The following NGLY1 variants were observed in gnomAD, a reference collection of about 807,000 sequenced individuals.
The protein encoded by NGLY1 is peptide-N(4)-(N-acetyl-beta-glucosaminyl)asparagine amidase.
NGLY1 carries 68 observed loss-of-function variants against 84.6 expected under a neutral mutation model. That is an observed-to-expected ratio of 0.80 (90% CI 0.66 to 0.98). The LOEUF (loss-of-function observed/expected upper bound fraction) is 0.98. Among genes scored for constraint, NGLY1 ranks in the 50% least tolerant of loss-of-function variants. The probability of loss-of-function intolerance (pLI) is 0.00; values close to 1 mark genes in which losing one functional copy is unlikely to be tolerated. For synonymous variants in NGLY1, 280 were observed against 275.2 expected (o/e 1.02, Z -0.17); for missense variants, 779 against 770.2 (o/e 1.01, Z -0.14).
upstream of NGLY1, among the ~76,000 whole-genome samples, chr3:25,784,470 G>T (rs1708559906): frequency 6.6e-6 from 1 of 152,174 alleles, no homozygotes; most frequent in South Asian, 2.1e-4. Context: ...CCTCTTAGAA[G>T]ATGCATCCCT....
intron 4 of NGLY1, among the ~76,000 whole-genome samples, chr3:25,744,890 G>A (rs116372831): frequency 1.0e-3 from 156 of 152,258 alleles, no homozygotes; most frequent in African/African-American, 3.2e-3. Context: ...CATCCGAGCC[G>A]AAAAGACAGA....
chr3:25,739,784 T>A lies in NGLY1; in HGVS notation c.674A>T (p.Asp225Val). The part of the protein sequence containing the change: ...RKLDKGINIS[D>V]EDFLLLELLH... ...AAGCTCCAGCAAAAGAAAATCCTCA[T>A]CACTTATATTGATACCTGAGAAATT... is the stretch of plus-strand genomic sequence containing the variant. The change falls in exon 5 of 12, where the codon GAT (aspartate) becomes GTT (valine). Residue 225 changes from aspartate to valine, a missense_variant. By Grantham distance (152) the Asp-to-Val change is radical. Transcript: ENST00000280700. The A allele has an allele frequency of 6.2e-7, 1 of 1,613,614 alleles. No individual in the cohort carries two copies. The highest frequency in any genetic ancestry group is 1.1e-5 in the South Asian group (1 of 91,068).
At chr3:25,732,282 A>C in intron 9 of NGLY1, 37 bp downstream of exon 9, 1 of 1,600,174 alleles carries the variant, frequency 6.2e-7, no homozygotes, top group Non-Finnish European at 8.5e-7. Flanking sequence ...TGAAGCAGGA[A>C]AGTAAAAGGA....
At chr3:25,779,292 T>C (rs1164464773) in intron 1 of NGLY1, among the ~76,000 whole-genome samples, 1 of 152,182 alleles carries the variant, frequency 6.6e-6, no homozygotes, top group Non-Finnish European at 1.5e-5. Flanking sequence ...CATAAATTTC[T>C]TTTACCATAA....
rs778126026 is a variant in NGLY1, at chr3:25,764,066, C to G, written c.492G>C (p.Thr164=). The G allele has an allele frequency of 6.8e-6, 11 of 1,613,746 alleles. No homozygotes were observed. The highest frequency in any genetic ancestry group is 1.3e-5 in the African/African-American group (1 of 74,906). Residue 164 remains threonine, a splice_region_variant and synonymous_variant, in exon 3 of 12, where the codon ACG becomes ACC. Coordinates refer to ENST00000280700, the MANE Select transcript of NGLY1 (RefSeq NM_018297.4). The part of the protein sequence containing the change: ...GQSSDPPSAS[T]VAADSAILEV... ...AAAGAAGGTTTAATTCTAACATTAC[C>G]GTTGAAGCAGATGGTGGATCTGATG...
At chr3:25,738,756 T>C (rs1321656903) in intron 5 of NGLY1, among the ~76,000 whole-genome samples, 2 of 151,720 alleles carry the variant, frequency 1.3e-5, no homozygotes, top group Non-Finnish European at 2.9e-5. Context: ...AGCCTCCCCA[T>C]ATAGAGAAGA....
In NGLY1 at chr3:25,739,578, T is replaced by C. The variant is rs1706019869; in HGVS notation, c.880A>G (p.Arg294Gly). The change falls in exon 5 of 12, where the codon AGA becomes GGA. Residue 294 changes from arginine to glycine, a missense_variant and splice_region_variant. Transcript: ENST00000280700. ...DACQFSNRFPRYNNPEKLLET... is the reference protein window; with the variant it reads ...DACQFSNRFPGYNNPEKLLET... ...GATTTTACCATCCAGGGCACCCACC[T>C]TGGGAATCGATTGCTGAACTGGCAG... 6.2e-7 allele frequency: 1 copy of C among 1,613,948 alleles called. No individual in the cohort carries two copies. The highest frequency in any genetic ancestry group is 1.1e-5 in the South Asian group (1 of 91,070).
intron 3 of NGLY1, among the ~76,000 whole-genome samples, chr3:25,753,877 TAAC>T (rs927130620): frequency 6.6e-6 from 1 of 152,152 alleles, no homozygotes; most frequent in African/African-American, 2.4e-5. Flanking sequence ...GACAGGTCGA[TAAC>T]AACAACAAAA....
At chr3:25,751,880 G>A (rs1302517791) in intron 3 of NGLY1, among the ~76,000 whole-genome samples, 2 of 152,180 alleles carry the variant, frequency 1.3e-5, no homozygotes, top group African/African-American at 4.8e-5. Context: ...CAACAAAGAG[G>A]TCTGCCTCTG....
intron 4 of NGLY1, among the ~76,000 whole-genome samples, chr3:25,746,566 A>C (rs1706445467): frequency 6.6e-6 from 1 of 152,238 alleles, no homozygotes; most frequent in Admixed American, 6.5e-5. Flanking sequence ...TTTTTATGGG[A>C]AATGGACTTT....
intron 8 of NGLY1, among the ~76,000 whole-genome samples, chr3:25,733,549 T>C (rs995646318): frequency 2.0e-5 from 3 of 151,278 alleles, no homozygotes; most frequent in African/African-American, 7.3e-5. Flanking sequence ...TATGAGTCTG[T>C]GTCATATCCA....
At position 25,751,212 on chromosome 3, in the gene NGLY1, C is replaced by T. The variant is rs981738620; in HGVS notation, c.544G>A (p.Val182Met). The T allele has an allele frequency of 1.9e-6, 3 of 1,611,946 alleles. No homozygotes were observed. Among genetic ancestry groups the T allele is most frequent in the African/African-American group, 2.7e-5 (2 of 74,820 alleles). ...AGAGCAGGATTTTCATAGACCAGCA[C>T]ATGCTGAATGTTGGACTGAAGAACT... ...LEVLQSNIQH[V>M]LVYENPALQE... Residue 182 changes from valine to methionine, a missense_variant, in exon 4 of 12, where the codon GTG becomes ATG. Transcript: ENST00000280700.
upstream of NGLY1, among the ~76,000 whole-genome samples, chr3:25,787,834 G>A (rs1490135606): frequency 2.0e-5 from 3 of 152,132 alleles, no homozygotes; most frequent in African/African-American, 4.8e-5. Context: ...TTTGACATGG[G>A]CCACATATTT....
intron 9 of NGLY1, 192 bp from the exon 10 acceptor site, chr3:25,729,510 C>T (rs1314160272): frequency 2.9e-6 from 1 of 345,780 alleles, no homozygotes; most frequent in African/African-American, 2.1e-5. Context: ...CTAAACATTA[C>T]TAGAGAGAAA....
At chr3:25,765,726 T>C (rs953792036) in intron 2 of NGLY1, among the ~76,000 whole-genome samples, 30 of 152,160 alleles carry the variant, frequency 2.0e-4, no homozygotes, top group African/African-American at 7.2e-4. Flanking sequence ...TTGTGTGTTC[T>C]AAGTACTGTG....
intron 10 of NGLY1, among the ~76,000 whole-genome samples, chr3:25,725,258 G>A (rs1276365165): frequency 6.6e-6 from 1 of 152,232 alleles, no homozygotes. Flanking sequence ...TATCAGGACA[G>A]GGTTTGGAGA....
chr3:25,726,309 C>T (rs776531292), intron 10 of NGLY1, among the ~76,000 whole-genome samples: 1 of 152,016 alleles, frequency 6.6e-6, no homozygotes, highest in Non-Finnish European at 1.5e-5. Context: ...ACTGAGAGTA[C>T]AAAAGTGAGT....
At chr3:25,754,017 G>A (rs1036013751) in intron 3 of NGLY1, among the ~76,000 whole-genome samples, 4 of 152,116 alleles carry the variant, frequency 2.6e-5, no homozygotes, top group African/African-American at 9.7e-5. Flanking sequence ...ACCCACCACA[G>A]TAACTCAAAA....
intron 1 of NGLY1, among the ~76,000 whole-genome samples, chr3:25,782,081 G>C (rs1467143841): frequency 1.3e-5 from 2 of 152,190 alleles, no homozygotes; most frequent in African/African-American, 4.8e-5. Context: ...TTATGTAGCT[G>C]TGAACAGGCC....
Sources: gnomAD v4.1 joint callset for allele counts (sites outside exome capture counted in the v4.1 genomes callset) on GRCh38, gnomAD v4.1.1 for gene constraint, MANE v1.5 for transcripts, NCBI Gene and HGNC (gene_info 2026-07-23, HGNC 2026-07-21) for gene names.